The following HDAC8 variants were observed in gnomAD, a reference collection of about 807,000 sequenced individuals.
The protein encoded by HDAC8 is histone deacetylase 8.
Under a neutral mutation model 32.2 loss-of-function variants are expected in HDAC8, and 1 was observed. The ratio of observed to expected loss-of-function variants is 0.03; its 90% confidence interval spans 0.01 to 0.15. The LOEUF (loss-of-function observed/expected upper bound fraction) is 0.15, where lower values mean the gene tolerates loss of function less well. Among genes scored for constraint, HDAC8 ranks in the 10% least tolerant of loss-of-function variants. The pLI is 1.00. For synonymous variants in HDAC8, 108 were observed against 113.9 expected (o/e 0.95, Z 0.33); for missense variants, 117 against 300.0 (o/e 0.39, Z 4.51).
intron 9 of HDAC8, among the ~76,000 whole-genome samples, chrX:72,371,186 A>G (rs944672202): frequency 3.2e-4 from 36 of 111,739 alleles, no homozygotes; most frequent in African/African-American, 1.1e-3. Flanking sequence ...AATTCTTCAG[A>G]AAAAAAATGG....
chrX:72,518,271 T>G (rs2049871550), intron 4 of HDAC8, among the ~76,000 whole-genome samples: 1 of 111,553 alleles, frequency 9.0e-6, no homozygotes, highest in African/African-American at 3.3e-5. Flanking sequence ...CATTTATAGT[T>G]AATCCCTGCT....
At chrX:72,449,710 TA>T (rs1207625531) in intron 9 of HDAC8, among the ~76,000 whole-genome samples, 3 of 109,513 alleles carry the variant, frequency 2.7e-5, no homozygotes, top group Non-Finnish European at 5.7e-5. Context: ...CAGAATAGGT[TA>T]AAAAAAAACA....
intron 9 of HDAC8, among the ~76,000 whole-genome samples, chrX:72,402,534 G>A (rs1555967720): frequency 9.3e-6 from 1 of 107,690 alleles, no homozygotes; most frequent in Non-Finnish European, 1.9e-5. Context: ...GCTGCTTCTT[G>A]GTATGCTGCC....
At chrX:72,357,581 G>A (rs1161753464) in intron 9 of HDAC8, among the ~76,000 whole-genome samples, 11 of 111,140 alleles carry the variant, frequency 9.9e-5, no homozygotes, top group African/African-American at 3.3e-4. Flanking sequence ...TTTGTCCATT[G>A]GAAAGAGACC....
At chrX:72,483,849 G>A (rs892294212) in intron 7 of HDAC8, among the ~76,000 whole-genome samples, 6 of 111,233 alleles carry the variant, frequency 5.4e-5, no homozygotes, top group Non-Finnish European at 5.7e-5. Context: ...GGTATCAGTG[G>A]GGCTCAGTAT....
intron 4 of HDAC8, among the ~76,000 whole-genome samples, chrX:72,514,954 A>G (rs2049738739): frequency 9.0e-6 from 1 of 111,703 alleles, no homozygotes; most frequent in Non-Finnish European, 1.9e-5. Context: ...TATTCAGGGT[A>G]TACAATATGA....
At chrX:72,378,417 C>T (rs1261144525) in intron 9 of HDAC8, among the ~76,000 whole-genome samples, 6 of 111,452 alleles carry the variant, frequency 5.4e-5, no homozygotes, top group Admixed American at 9.6e-5. Context: ...GACCTTTTGC[C>T]GTGTTGTGAC....
At chrX:72,552,478 G>A (rs2051110879) in intron 4 of HDAC8, among the ~76,000 whole-genome samples, 1 of 111,149 alleles carries the variant, frequency 9.0e-6, no homozygotes, top group Non-Finnish European at 1.9e-5. Flanking sequence ...AGGCGTGGTG[G>A]CATGTGCCTG....
intron 4 of HDAC8, among the ~76,000 whole-genome samples, chrX:72,544,489 T>C (rs782627493): frequency 4.4e-4 from 49 of 111,677 alleles, no homozygotes; most frequent in Non-Finnish European, 7.9e-4. Flanking sequence ...GGTAGATGGA[T>C]TGCTGGTGGT....
chrX:72,419,536 A>G (rs978183900), intron 9 of HDAC8, among the ~76,000 whole-genome samples: 1 of 111,714 alleles, frequency 9.0e-6, no homozygotes. Flanking sequence ...AAGACATATC[A>G]AGAAAACGAA....
chrX:72,472,067 T>A (rs868958002), intron 7 of HDAC8, among the ~76,000 whole-genome samples: 9 of 101,612 alleles, frequency 8.9e-5, no homozygotes, highest in Non-Finnish European at 4.1e-5. Context: ...TATTTTATTT[T>A]ATTTATTTTT....
At chrX:72,395,748 TA>T (rs1819607528) in intron 9 of HDAC8, among the ~76,000 whole-genome samples, 1 of 112,223 alleles carries the variant, frequency 8.9e-6, no homozygotes, top group Non-Finnish European at 1.9e-5. Context: ...CAGTTTTGCT[TA>T]AACTTCTATC....
chrX:72,400,090 C>T (rs1424343329), intron 9 of HDAC8, among the ~76,000 whole-genome samples: 1 of 111,603 alleles, frequency 9.0e-6, no homozygotes, highest in Non-Finnish European at 1.9e-5. Context: ...TCTAATTTTC[C>T]TCTTACCTCA....
intron 9 of HDAC8, among the ~76,000 whole-genome samples, chrX:72,392,127 T>C (rs920676022): frequency 2.3e-4 from 26 of 112,253 alleles, no homozygotes; most frequent in African/African-American, 8.4e-4. Context: ...GTAGTAAAAA[T>C]GGTACATCTC....
rs978754282 is a variant in HDAC8 at position 72,428,821 on chromosome X, A to G, written c.1005+33183T>C. 3.6e-5 allele frequency among the ~76,000 whole-genome samples: 4 copies of G among 111,512 alleles called. No homozygotes were observed. The Admixed American group carries it at 3.8e-4, about 11-fold the overall frequency. ...TTCACTGCTCTTCCCTTGCTCTCCT[A>G]TCCTACTCACTTGGTAGCTGTGGGA... On this transcript the variant is annotated intron_variant, in intron 9 of 10. Transcript: ENST00000373573.
At chrX:72,473,702 C>A (rs782173311) in intron 7 of HDAC8, 1 of 754,181 alleles carries the variant, frequency 1.3e-6, no homozygotes, top group Non-Finnish European at 1.6e-6. Flanking sequence ...GCATCAGATA[C>A]TATGTCAGCC....
At chrX:72,333,327 G>C (rs1252743351) in intron 10 of HDAC8, among the ~76,000 whole-genome samples, 1 of 111,598 alleles carries the variant, frequency 9.0e-6, no homozygotes, top group African/African-American at 3.3e-5. Context: ...CTCTTATCTG[G>C]TCCTCCTGCT....
intron 9 of HDAC8, among the ~76,000 whole-genome samples, chrX:72,355,416 C>T (rs1555950386): frequency 9.0e-6 from 1 of 111,609 alleles, no homozygotes; most frequent in African/African-American, 3.3e-5. Flanking sequence ...AACCTCTCTC[C>T]ACCCCTTCCC....
At chrX:72,517,550 T>C (rs1237860167) in intron 4 of HDAC8, among the ~76,000 whole-genome samples, 1 of 112,032 alleles carries the variant, frequency 8.9e-6, no homozygotes, top group Non-Finnish European at 1.9e-5. Context: ...TGTAAGACTT[T>C]CACAGTTTTA....
Sources: allele counts gnomAD v4.1 joint callset (sites outside exome capture counted in the v4.1 genomes callset), GRCh38; gene constraint gnomAD v4.1.1; transcripts MANE v1.5; gene names NCBI Gene and HGNC (gene_info 2026-07-23, HGNC 2026-07-21).